PTPRD: variants seen among roughly 807,000 people sequenced by gnomAD.
The protein encoded by PTPRD is receptor-type tyrosine-protein phosphatase delta.
Under a neutral mutation model 214.5 loss-of-function variants are expected in PTPRD, and 34 were observed. That is an observed-to-expected ratio of 0.16 (90% confidence interval 0.12 to 0.21). The LOEUF is 0.21. PTPRD is among the 10% of genes least tolerant of loss of function. The pLI is 1.00. For synonymous variants in PTPRD, 1,128 were observed against 845.7 expected (o/e 1.33, Z -5.79); for missense variants, 2,545 against 2,398.7 (o/e 1.06, Z -1.27).
intron 7 of PTPRD, among the ~76,000 whole-genome samples, chr9:9,645,012 G>A (rs375738716): frequency 1.3e-5 from 2 of 152,204 alleles, no homozygotes; most frequent in Admixed American, 6.5e-5. Flanking sequence ...CTGTCACCTT[G>A]ACTCTCCATT....
At chr9:10,479,658 T>TAAATAAATAAATAAACAAAC (rs141946645) in intron 2 of PTPRD, among the ~76,000 whole-genome samples, 7,674 of 145,654 alleles carry the variant, frequency 0.053, 371 homozygotes, top group Admixed American at 0.15. Flanking sequence ...AATAAATAAA[T>TAAATAAATAAATAAACAAAC]AAACAAAAAT....
At chr9:10,172,041 G>A (rs1325230926) in intron 3 of PTPRD, among the ~76,000 whole-genome samples, 1 of 152,012 alleles carries the variant, frequency 6.6e-6, no homozygotes, top group Non-Finnish European at 1.5e-5. Context: ...AAGATTGGTT[G>A]GTAAATTTAT....
chr9:8,640,520 C>T (rs1348774128), intron 12 of PTPRD, among the ~76,000 whole-genome samples: 1 of 148,318 alleles, frequency 6.7e-6, no homozygotes. Flanking sequence ...TTTCTAAATC[C>T]TACCACTGTA....
chr9:9,252,166 G>C (rs140240372), intron 9 of PTPRD, among the ~76,000 whole-genome samples: 15 of 152,068 alleles, frequency 9.9e-5, no homozygotes, highest in African/African-American at 3.6e-4. Flanking sequence ...TTGGCATAAA[G>C]CTTATTTTGA....
chr9:10,040,737 G>T (rs890310757), intron 3 of PTPRD, among the ~76,000 whole-genome samples: 2 of 152,002 alleles, frequency 1.3e-5, no homozygotes, highest in African/African-American at 4.8e-5. Flanking sequence ...AACAATGAAA[G>T]AATCTAGTAA....
intron 8 of PTPRD, among the ~76,000 whole-genome samples, chr9:9,420,197 C>G (rs868528661): frequency 3.6e-4 from 54 of 151,760 alleles, no homozygotes; most frequent in Middle Eastern, 3.4e-3. Context: ...TAGAAAATAA[C>G]TATAATTTTA....
intron 8 of PTPRD, among the ~76,000 whole-genome samples, chr9:9,542,293 CAT>C (rs1385778493): frequency 6.6e-6 from 1 of 151,694 alleles, no homozygotes; most frequent in East Asian, 2.0e-4. Flanking sequence ...AAAAAATAAA[CAT>C]TGATTCCTGT....
At chr9:10,254,469 G>C (rs1279530186) in intron 3 of PTPRD, among the ~76,000 whole-genome samples, 1 of 151,916 alleles carries the variant, frequency 6.6e-6, no homozygotes, top group Non-Finnish European at 1.5e-5. Flanking sequence ...CTTGTTGCCA[G>C]GCTGATGGCC....
At chr9:10,589,250 T>A (rs1246569089) in intron 2 of PTPRD, among the ~76,000 whole-genome samples, 1 of 152,034 alleles carries the variant, frequency 6.6e-6, no homozygotes, top group East Asian at 1.9e-4. Flanking sequence ...GAAACCTTGT[T>A]ATCAAGAGCA....
At chr9:10,461,186 T>C (rs1373485660) in intron 2 of PTPRD, among the ~76,000 whole-genome samples, 1 of 150,470 alleles carries the variant, frequency 6.6e-6, no homozygotes, top group African/African-American at 2.4e-5. Context: ...TTCAAAACTC[T>C]ATATATCCTC....
chr9:9,262,548 C>T (rs1362051373), intron 9 of PTPRD, among the ~76,000 whole-genome samples: 1 of 150,910 alleles, frequency 6.6e-6, no homozygotes, highest in Non-Finnish European at 1.5e-5. Context: ...CCAAGATATG[C>T]CTTTTTATAC....
chr9:8,841,653 G>A (rs568640739), intron 11 of PTPRD, among the ~76,000 whole-genome samples: 5 of 151,568 alleles, frequency 3.3e-5, no homozygotes, highest in African/African-American at 1.2e-4. Context: ...TCAGAAACCT[G>A]TTTTTGTTTA....
chr9:9,103,299 G>GT (rs998275162), intron 10 of PTPRD, among the ~76,000 whole-genome samples: 20 of 150,488 alleles, frequency 1.3e-4, no homozygotes, highest in African/African-American at 2.2e-4. Context: ...GTTTTTGTTT[G>GT]TTTTTTTTTC....
intron 11 of PTPRD, among the ~76,000 whole-genome samples, chr9:8,740,650 T>A (rs1413476726): frequency 6.6e-6 from 1 of 152,190 alleles, no homozygotes; most frequent in East Asian, 1.9e-4. Context: ...ATGAAACTTG[T>A]AACACCTCAA....
intron 5 of PTPRD, among the ~76,000 whole-genome samples, chr9:9,812,571 A>C (rs928686788): frequency 6.8e-6 from 1 of 146,222 alleles, no homozygotes; most frequent in African/African-American, 2.6e-5. Context: ...GTCACAAAAA[A>C]AGTCACTATA....
intron 7 of PTPRD, among the ~76,000 whole-genome samples, chr9:9,637,087 G>T (rs1006701980): frequency 3.9e-5 from 6 of 151,968 alleles, no homozygotes; most frequent in African/African-American, 1.2e-4. Flanking sequence ...CTCCCAAAGG[G>T]CCCCACCTCC....
At chr9:10,238,699 A>G (rs1028303676) in intron 3 of PTPRD, among the ~76,000 whole-genome samples, 3 of 152,018 alleles carry the variant, frequency 2.0e-5, no homozygotes, top group African/African-American at 7.2e-5. Flanking sequence ...AAAATTGTAG[A>G]CAATAATATA....
chr9:8,831,152 A>G (rs2097281782), intron 11 of PTPRD, among the ~76,000 whole-genome samples: 1 of 152,092 alleles, frequency 6.6e-6, no homozygotes. Context: ...TTTTTCTGAT[A>G]CTTGACAGTA....
At chr9:8,587,678 T>C (rs79422809) in intron 14 of PTPRD, among the ~76,000 whole-genome samples, 400 of 152,334 alleles carry the variant, frequency 2.6e-3, no homozygotes, top group Non-Finnish European at 4.0e-3. Flanking sequence ...TGCTTAGGTA[T>C]GAAATATCTG....
Sources: gnomAD v4.1 joint callset for allele counts (sites outside exome capture counted in the v4.1 genomes callset) on GRCh38, gnomAD v4.1.1 for gene constraint, MANE v1.5 for transcripts, NCBI Gene and HGNC (gene_info 2026-07-23, HGNC 2026-07-21) for gene names.